Variants in OR8B8 observed in about 807,000 individuals in gnomAD.
OR8B8 encodes the protein olfactory receptor 8B8.
A neutral mutation model predicts 10.5 loss-of-function variants in OR8B8; 8 were observed. The observed-to-expected ratio is 0.76, with a 90% CI of 0.45 to 1.38. OR8B8 has a LOEUF of 1.38. OR8B8 is among the 40% of genes most tolerant of loss of function. OR8B8 has a pLI of 0.00. For missense variants in OR8B8, 390 were observed against 380.5 expected (o/e 1.03, Z -0.21); for synonymous variants, 150 against 145.2 (o/e 1.03, Z -0.24).
chr11:124,440,816 GTTC>G lies in OR8B8; in HGVS notation c.267_269del (p.Lys89del), dbSNP rs865891629. The G allele has an allele frequency of 3.7e-6, 6 of 1,614,082 alleles. No individual in the cohort carries two copies. In the African/African-American group the frequency reaches 6.7e-5, roughly 18 times the overall value. ...TCATACACCCTGCGTAGGAGATGCT[GTTC>G]TTCTTTAAGACAAAGCTCATCAGCA... On this transcript the variant is annotated inframe_deletion, in exon 3 of 3. Transcript: ENST00000642064.
In OR8B8 at chr11:124,440,637, C is replaced by A; in HGVS notation, c.449G>T (p.Gly150Val). Residue 150 changes from glycine (G) to valine (V), a missense_variant, in exon 3 of 3, where the codon GGG (glycine) becomes GTG (valine). Transcript: ENST00000642064. ...VCFLLLLGVY[G>V]MGFAGAMAHT... ...GGCCATGGCCCCAGCAAACCCCATC[C>A]CATAGACACCCAACAAAAGGAGAAA... 6.2e-7 allele frequency: 1 copy of A among 1,614,124 alleles called. No homozygotes were observed. Among genetic ancestry groups the A allele is most frequent in the Non-Finnish European group, 8.5e-7 (1 of 1,180,032 alleles).
rs1861493729 is a variant in OR8B8, at chr11:124,443,101, A to G, written c.-152-1478T>C. 6.8e-5 allele frequency among the ~76,000 whole-genome samples: 3 copies of G among 43,888 alleles called. No homozygotes were observed. The South Asian group carries it at 1.9e-3, about 28-fold the overall frequency. 28.8% of individuals were successfully genotyped at this position (43,888 alleles called of 152,430 possible). A position where few individuals can be genotyped will look rare whatever the true frequency, so the allele number is the denominator to read the frequency against. On this transcript the variant is annotated intron_variant, in intron 1 of 2. Transcript: ENST00000642064. ...TTGGGATTCAATGCCCTAATACTCTATCTACCCTACGTTTTCTAGACAGGA... is the reference window on the plus strand; with the variant it reads ...TTGGGATTCAATGCCCTAATACTCTGTCTACCCTACGTTTTCTAGACAGGA...
Position 124,440,867 on chromosome 11 carries a change from A to T in OR8B8, c.219T>A (p.Tyr73Ter). 1.2e-6 allele frequency: 2 copies of T among 1,614,216 alleles called. No individual in the cohort carries two copies. The highest frequency in any genetic ancestry group is 1.7e-6 in the Non-Finnish European group (2 of 1,180,042). ...GCATTTTGGGAGTGATAACACTGGA[A>T]TAGCAGAAATCTATGAAGGACAAGT... ...LYNLSFIDFCYSSVITPKMLM... is the reference protein window; with the variant it reads ...LYNLSFIDFC The change falls in exon 3 of 3, where the codon TAT (tyrosine) becomes TAA (stop). Residue 73 changes from tyrosine (Y) to a stop codon, truncating the protein, a stop_gained. Coordinates refer to ENST00000642064, the MANE Select transcript of OR8B8 (RefSeq NM_012378.2). LOFTEE classifies it high-confidence loss of function.
At chr11:124,443,388 G>A (rs1240588653) in intron 1 of OR8B8, among the ~76,000 whole-genome samples, 5 of 152,130 alleles carry the variant, frequency 3.3e-5, no homozygotes, top group African/African-American at 9.7e-5. Context: ...AGAGTGACAT[G>A]GTCAGAGTTG....
rs201968581 is a variant in OR8B8 at position 124,441,019 on chromosome 11, C to T, written c.67G>A (p.Val23Ile). ...AACAGGAAGAAGAGGGGGATCTGGA[C>T]TCCCGGTTGGTCAGTTAAGCCTGCG... ...ILAGLTDQPG[V>I]QIPLFFLFLG... Residue 23 changes from valine (V) to isoleucine (I), a missense_variant, in exon 3 of 3, where the codon GTC (valine) becomes ATC (isoleucine). By Grantham distance (29) the Val-to-Ile change is conservative. Coordinates refer to ENST00000642064, the MANE Select transcript of OR8B8 (RefSeq NM_012378.2). The T allele has an allele frequency of 1.9e-6, 3 of 1,613,742 alleles. No individual in the cohort carries two copies. The highest frequency in any genetic ancestry group is 1.7e-4 in the Middle Eastern group (1 of 6,060).
Position 124,440,422 on chromosome 11 carries a change from G to A in OR8B8, c.664C>T (p.Leu222Phe), listed in dbSNP as rs1893135. The A allele has an allele frequency of 6.0e-4, 961 of 1,614,206 alleles. 2 individuals carry two copies. The highest frequency in any genetic ancestry group is 4.5e-3 in the African/African-American group (340 of 75,054). ...GAATCAATGTGGAAGATGCTGGAGA[G>A]AATGAGAGCATAGGAAATGAAGATG... ...VTIFISYALI[L>F]SSIFHIDSTE... is the part of the protein sequence containing the mutation. The change falls in exon 3 of 3, where the codon CTC becomes TTC. Residue 222 changes from leucine (L) to phenylalanine (F), a missense_variant. Coordinates refer to ENST00000642064, the MANE Select transcript of OR8B8 (RefSeq NM_012378.2).
At position 124,438,328 on chromosome 11, in the gene OR8B8, CT is replaced by C. The variant is rs1002166829; in HGVS notation, c.*1821del. 1.3e-5 allele frequency: 2 copies of C among 152,236 alleles called. No individual in the cohort carries two copies. The highest frequency in any genetic ancestry group is 2.9e-5 in the Non-Finnish European group (2 of 68,056). 9.4% of individuals were successfully genotyped at this position (152,236 alleles called of 1,614,324 possible). On this transcript the variant is annotated 3_prime_UTR_variant, in exon 3 of 3. Transcript: ENST00000642064. ...GCTGTCCAAGACACAATCCCTCATT[CT>C]TTTGAATTCACCCTTATTAATCTGC...
chr11:124,442,060 C>A (rs1014748967), intron 1 of OR8B8, among the ~76,000 whole-genome samples: 2 of 151,888 alleles, frequency 1.3e-5, no homozygotes, highest in African/African-American at 4.8e-5. Context: ...ATACCTAATC[C>A]TTTTTTTTCC....
At chr11:124,442,655 T>TCCTCAGACTCTCATCC (rs149370511) in intron 1 of OR8B8, among the ~76,000 whole-genome samples, 1,581 of 152,158 alleles carry the variant, frequency 0.01, 31 homozygotes, top group African/African-American at 0.036. Context: ...TTTTCAGCTT[T>TCCTCAGACTCTCATCC]CCTCATCGTG....
chr11:124,442,241 C>A (rs772981309), intron 1 of OR8B8, among the ~76,000 whole-genome samples: 5 of 152,208 alleles, frequency 3.3e-5, no homozygotes, highest in Non-Finnish European at 5.9e-5. Flanking sequence ...CTAGGTGCAT[C>A]TTACTCCAGA....
In OR8B8 at chr11:124,440,636, C is replaced by T. The variant is rs1183537626; in HGVS notation, c.450G>A (p.Gly150=). The T allele has an allele frequency of 6.2e-7, 1 of 1,614,178 alleles. No homozygotes were observed. Among genetic ancestry groups the T allele is most frequent in the Non-Finnish European group, 8.5e-7 (1 of 1,180,036 alleles). ...VCFLLLLGVY[G]MGFAGAMAHT... Reference sequence around the variant, plus strand: ...GGGCCATGGCCCCAGCAAACCCCATCCCATAGACACCCAACAAAAGGAGAA... The same window carrying T: ...GGGCCATGGCCCCAGCAAACCCCATTCCATAGACACCCAACAAAAGGAGAA... The change falls in exon 3 of 3, where the codon GGG becomes GGA. Residue 150 remains glycine, a synonymous_variant. Transcript: ENST00000642064.
At chr11:124,444,519 T>C (rs374977081) in intron 1 of OR8B8, among the ~76,000 whole-genome samples, 1 of 152,210 alleles carries the variant, frequency 6.6e-6, no homozygotes, top group East Asian at 1.9e-4. Flanking sequence ...TACTGTCCTG[T>C]CCCTCCATGA....
Position 124,440,837 on chromosome 11 carries a change from C to A in OR8B8, c.249G>T (p.Met83Ile). 6.2e-7 allele frequency: 1 copy of A among 1,614,176 alleles called. No homozygotes were observed. The highest frequency in any genetic ancestry group is 1.1e-5 in the South Asian group (1 of 91,078). Residue 83 changes from methionine (M) to isoleucine (I), a missense_variant, in exon 3 of 3, where the codon ATG becomes ATT. Physicochemically the swap from Met to Ile is conservative, Grantham distance 10. Transcript: ENST00000642064. ...TGCTGTTCTTCTTTAAGACAAAGCT[C>A]ATCAGCATTTTGGGAGTGATAACAC... ...YSSVITPKML[M>I]SFVLKKNSIS...
intron 1 of OR8B8, among the ~76,000 whole-genome samples, chr11:124,443,869 G>A (rs1018733233): frequency 6.6e-6 from 1 of 152,126 alleles, no homozygotes; most frequent in Non-Finnish European, 1.5e-5. Context: ...CCACCACAAA[G>A]TGGTACATCT....
Position 124,439,994 on chromosome 11 carries a change from T to G in OR8B8, c.*156A>C. ...TGATCCTCAAGACTTACTGTGTGAGTATTCAAAGCTCTTAAGAATGTTTGT... is the reference window on the plus strand; with the variant it reads ...TGATCCTCAAGACTTACTGTGTGAGGATTCAAAGCTCTTAAGAATGTTTGT... On this transcript the variant is annotated 3_prime_UTR_variant, in exon 3 of 3. Coordinates refer to ENST00000642064, the MANE Select transcript of OR8B8 (RefSeq NM_012378.2). The G allele has an allele frequency of 1.6e-6, 1 of 617,820 alleles. No homozygotes were observed. The highest frequency in any genetic ancestry group is 2.8e-6 in the Non-Finnish European group (1 of 355,656). The allele number at this position is 617,820 out of a possible 1,614,324, so 38.3% of individuals were successfully genotyped here.
rs751641312 is a variant in OR8B8, at chr11:124,441,046, G to C, written c.40C>G (p.Leu14Val). 6.2e-7 allele frequency: 1 copy of C among 1,612,852 alleles called. No homozygotes were observed. The highest frequency in any genetic ancestry group is 1.3e-5 in the African/African-American group (1 of 74,908). Residue 14 changes from leucine to valine, a missense_variant, in exon 3 of 3, where the codon CTC (leucine) becomes GTC (valine). Coordinates refer to ENST00000642064, the MANE Select transcript of OR8B8 (RefSeq NM_012378.2). ...CCCGGTTGGTCAGTTAAGCCTGCGA[G>C]GATAAACTGTGTCACGAAGGAGGAA... ...ENSSFVTQFI[L>V]AGLTDQPGVQ...
At position 124,439,849 on chromosome 11, in the gene OR8B8, A is replaced by G. The variant is rs1231463587; in HGVS notation, c.*301T>C. 1 of 270,538 alleles carries G rather than the reference A, an allele frequency of 3.7e-6. No homozygotes were observed. The highest frequency in any genetic ancestry group is 6.9e-5 in the East Asian group (1 of 14,490). The allele number at this position is 270,538 out of a possible 1,614,324, so 16.8% of individuals were successfully genotyped here. On this transcript the variant is annotated 3_prime_UTR_variant, in exon 3 of 3. Coordinates refer to ENST00000642064, the MANE Select transcript of OR8B8 (RefSeq NM_012378.2). ...AAGTGAGCCATAATGAAAAGCAGCC[A>G]GTACTGGAAATAAAGAGCCTGGATT...
At chr11:124,442,172 C>A (rs1861481546) in intron 1 of OR8B8, among the ~76,000 whole-genome samples, 1 of 152,216 alleles carries the variant, frequency 6.6e-6, no homozygotes, top group South Asian at 2.1e-4. Flanking sequence ...GGTTTTATCA[C>A]CCTCATTTTA....
At chr11:124,442,694 CT>C (rs1400456246) in intron 1 of OR8B8, among the ~76,000 whole-genome samples, 1 of 151,858 alleles carries the variant, frequency 6.6e-6, no homozygotes, top group African/African-American at 2.4e-5. Flanking sequence ...CTTGATTCTC[CT>C]TCTTCCCACG....
Sources: gnomAD v4.1 joint callset for allele counts (sites outside exome capture counted in the v4.1 genomes callset) on GRCh38, gnomAD v4.1.1 for gene constraint, MANE v1.5 for transcripts, NCBI Gene and HGNC (gene_info 2026-07-23, HGNC 2026-07-21) for gene names.